Variants in MYO1E observed in about 807,000 individuals in gnomAD.
MYO1E encodes the protein unconventional myosin-Ie.
Under a neutral mutation model 151.1 loss-of-function variants are expected in MYO1E, and 68 were observed. The ratio of observed to expected loss-of-function variants is 0.45; its 90% CI spans 0.37 to 0.55. MYO1E has a LOEUF of 0.55. MYO1E is among the 20% of genes least tolerant of loss of function. The probability of loss-of-function intolerance (pLI) is 0.00; values close to 1 mark genes in which losing one functional copy is unlikely to be tolerated. For missense variants in MYO1E, 1,363 were observed against 1,389.3 expected (o/e 0.98, Z 0.30); for synonymous variants, 601 against 501.7 (o/e 1.20, Z -2.64).
chr15:59,261,747 A>G (rs2080225535), intron 2 of MYO1E, among the ~76,000 whole-genome samples: 1 of 152,236 alleles, frequency 6.6e-6, no homozygotes, highest in Non-Finnish European at 1.5e-5. Context: ...ATTATTTTAA[A>G]TGAACTAAAG....
intron 4 of MYO1E, among the ~76,000 whole-genome samples, chr15:59,246,061 A>G (rs1373804085): frequency 6.6e-6 from 1 of 152,192 alleles, no homozygotes; most frequent in East Asian, 1.9e-4. Context: ...GCTCACAGGT[A>G]CCTACCAAGC....
chr15:59,180,441 G>T (rs1329216973), intron 18 of MYO1E, among the ~76,000 whole-genome samples: 1 of 152,026 alleles, frequency 6.6e-6, no homozygotes, highest in African/African-American at 2.4e-5. Context: ...TGCTTGGCTT[G>T]ATCTAACCTA....
intron 6 of MYO1E, among the ~76,000 whole-genome samples, chr15:59,230,215 AGTGTGTGTTTGTGTGTGTGTGTGTGT>A (rs2080018941): frequency 8.4e-6 from 1 of 118,346 alleles, no homozygotes; most frequent in Non-Finnish European, 1.7e-5. Context: ...AGAGAGAGAC[AGTGTGTGTTTGTGTGTGTGTGTGTGT>A]GTGTGTGTGT....
At chr15:59,319,033 G>A (rs1163117572) in intron 1 of MYO1E, among the ~76,000 whole-genome samples, 1 of 152,160 alleles carries the variant, frequency 6.6e-6, no homozygotes, top group Non-Finnish European at 1.5e-5. Context: ...TTTAGTGGCT[G>A]GGTGTGGTGG....
Position 59,226,763 on chromosome 15 carries a change from T to C in MYO1E, c.642+696A>G, listed in dbSNP as rs2079994201. On this transcript the variant is annotated intron_variant, in intron 7 of 27. Transcript: ENST00000288235. ...CAGAGGTTGCAGTGAGCCAAGATTG[T>C]GCCACTGCACTCCAGCCTGGGCAAG... 2.6e-5 allele frequency among the ~76,000 whole-genome samples: 4 copies of C among 152,134 alleles called. No individual in the cohort carries two copies. The South Asian group carries it at 8.3e-4, about 32-fold the overall frequency.
At chr15:59,243,966 G>T (rs2080114961) in intron 4 of MYO1E, among the ~76,000 whole-genome samples, 1 of 150,848 alleles carries the variant, frequency 6.6e-6, no homozygotes, top group Non-Finnish European at 1.5e-5. Flanking sequence ...GAGGTTCCAG[G>T]GTCATGGAGA....
intron 4 of MYO1E, among the ~76,000 whole-genome samples, chr15:59,240,860 C>T (rs1234318728): frequency 1.3e-5 from 2 of 152,366 alleles, no homozygotes; most frequent in African/African-American, 4.8e-5. Flanking sequence ...ATGCAACACA[C>T]ACTGTCTAAC....
chr15:59,157,154 A>T (rs2079513876), intron 25 of MYO1E, among the ~76,000 whole-genome samples: 1 of 152,062 alleles, frequency 6.6e-6, no homozygotes, highest in Non-Finnish European at 1.5e-5. Context: ...TGATCCAGGG[A>T]GGCTGAGGCT....
chr15:59,158,419 TTGG>T, intron 24 of MYO1E, 40 bp from the exon 25 acceptor site: 2 of 1,493,314 alleles, frequency 1.3e-6, no homozygotes, highest in Non-Finnish European at 1.8e-6. Flanking sequence ...GTGCTACTGG[TTGG>T]TTTTATGGAT....
intron 1 of MYO1E, among the ~76,000 whole-genome samples, chr15:59,338,975 T>C (rs1174458327): frequency 6.6e-6 from 1 of 152,058 alleles, no homozygotes; most frequent in Non-Finnish European, 1.5e-5. Context: ...CTATTAAAAA[T>C]ACAAAAATTA....
intron 22 of MYO1E, 84 bp from the exon 23 acceptor site, chr15:59,163,387 TC>T (rs1332288076): frequency 7.1e-7 from 1 of 1,406,630 alleles, no homozygotes; most frequent in East Asian, 2.3e-5. Flanking sequence ...ATTTTAAAAA[TC>T]CTGCAAGATA....
At chr15:59,197,987 G>T (rs1232820354) in intron 16 of MYO1E, among the ~76,000 whole-genome samples, 1 of 152,132 alleles carries the variant, frequency 6.6e-6, no homozygotes, top group African/African-American at 2.4e-5. Flanking sequence ...TCAGCCCTCT[G>T]TGTAGCTGGG....
chr15:59,220,666 G>T (rs2079948863), intron 9 of MYO1E, among the ~76,000 whole-genome samples: 1 of 151,946 alleles, frequency 6.6e-6, no homozygotes, highest in South Asian at 2.1e-4. Context: ...ATATGAGAAA[G>T]ATGATAGAAA....
At chr15:59,209,502 C>G (rs1259890590) in intron 13 of MYO1E, among the ~76,000 whole-genome samples, 1 of 151,782 alleles carries the variant, frequency 6.6e-6, no homozygotes, top group Non-Finnish European at 1.5e-5. Flanking sequence ...ATGGTGAAAC[C>G]CCCTCTCTAC....
intron 3 of MYO1E, among the ~76,000 whole-genome samples, chr15:59,259,587 G>T (rs2080213717): frequency 1.3e-5 from 2 of 152,292 alleles, no homozygotes; most frequent in South Asian, 4.1e-4. Context: ...TTGAAAATGA[G>T]AAAGTAGAGG....
chr15:59,363,315 T>C (rs1336901662), intron 1 of MYO1E, among the ~76,000 whole-genome samples: 1 of 152,294 alleles, frequency 6.6e-6, no homozygotes, highest in Non-Finnish European at 1.5e-5. Context: ...GCTCTCACTA[T>C]GACATCTTCT....
At chr15:59,149,133 T>G (rs1301776861) in intron 26 of MYO1E, among the ~76,000 whole-genome samples, 5 of 146,442 alleles carry the variant, frequency 3.4e-5, no homozygotes, top group African/African-American at 1.3e-4. Context: ...CTCAGCTCAC[T>G]GCAAGCTCTG....
At chr15:59,213,582 C>T (rs2079894740) in intron 12 of MYO1E, among the ~76,000 whole-genome samples, 1 of 152,094 alleles carries the variant, frequency 6.6e-6, no homozygotes. Context: ...CCTCAGCCTC[C>T]AGAGTAGCTG....
chr15:59,370,151 T>G (rs947845394), intron 1 of MYO1E, among the ~76,000 whole-genome samples: 1 of 152,196 alleles, frequency 6.6e-6, no homozygotes, highest in East Asian at 1.9e-4. Flanking sequence ...CATGCTAATC[T>G]TCAGCCACAC....
Sources: allele counts gnomAD v4.1 joint callset (sites outside exome capture counted in the v4.1 genomes callset), GRCh38; gene constraint gnomAD v4.1.1; transcripts MANE v1.5; gene names NCBI Gene and HGNC (gene_info 2026-07-23, HGNC 2026-07-21).